Variants in TMEM116 observed in about 807,000 individuals in gnomAD.
TMEM116 encodes transmembrane protein 116.
Under a neutral mutation model 44.3 loss-of-function variants are expected in TMEM116, and 38 were observed. The observed-to-expected ratio is 0.86, with a 90% CI of 0.66 to 1.12. The LOEUF is 1.12. Among genes scored for constraint, TMEM116 ranks in the 50% most tolerant of loss-of-function variants. The pLI, the probability that TMEM116 is intolerant of heterozygous loss-of-function variation, is 0.00. For missense variants in TMEM116, 354 were observed against 401.7 expected (o/e 0.88, Z 1.01); for synonymous variants, 132 against 144.8 (o/e 0.91, Z 0.64).
At chr12:111,980,852 TTG>T (rs2075896731) in intron 4 of TMEM116, among the ~76,000 whole-genome samples, 1 of 152,102 alleles carries the variant, frequency 6.6e-6, no homozygotes, top group Non-Finnish European at 1.5e-5. Context: ...GGTGGGCAGA[TTG>T]CATGAGCTCA....
Position 112,005,500 on chromosome 12 carries a change from T to TC in TMEM116, c.-33-198dup, listed in dbSNP as rs1168734562. On this transcript the variant is annotated intron_variant, in intron 1 of 10. Coordinates refer to ENST00000552374, the MANE Select transcript of TMEM116 (RefSeq NM_001193531.2). ...GGTGCTCCTTTTTTCCTCTCTTATT[T>TC]CTATTTCACTGGGAAATAGTATGAT... 62 of 480,362 alleles carry TC rather than the reference T, an allele frequency of 1.3e-4. 1 individual carries two copies. The East Asian group carries it at 2.3e-3, about 18-fold the overall frequency. 29.8% of individuals were successfully genotyped at this position (480,362 alleles called of 1,614,324 possible). A position where few individuals can be genotyped will look rare whatever the true frequency, so the allele number is the denominator to read the frequency against.
At chr12:111,950,994 A>G (rs899087521) in intron 4 of TMEM116, among the ~76,000 whole-genome samples, 2 of 152,246 alleles carry the variant, frequency 1.3e-5, no homozygotes. Context: ...ATAAGAAAAA[A>G]GCCTCATTAA....
intron 10 of TMEM116, among the ~76,000 whole-genome samples, chr12:111,932,080 C>CA (rs398076960): frequency 2.0e-5 from 3 of 152,028 alleles, no homozygotes; most frequent in Non-Finnish European, 4.4e-5. Context: ...CAGTGCCCCC[C>CA]CTTATTGCCT....
At chr12:111,977,437 T>A (rs1364215617) in intron 4 of TMEM116, among the ~76,000 whole-genome samples, 1 of 152,158 alleles carries the variant, frequency 6.6e-6, no homozygotes, top group African/African-American at 2.4e-5. Flanking sequence ...TGCCACTGAA[T>A]TGTACACTTT....
chr12:112,007,129 A>G (rs1482541590), intron 1 of TMEM116, among the ~76,000 whole-genome samples: 2 of 152,142 alleles, frequency 1.3e-5, no homozygotes, highest in Non-Finnish European at 2.9e-5. Flanking sequence ...AACAAAATAA[A>G]ACACGGCCAG....
chr12:111,995,098 T>C (rs1050996283), intron 3 of TMEM116, among the ~76,000 whole-genome samples: 3 of 152,200 alleles, frequency 2.0e-5, no homozygotes, highest in African/African-American at 7.2e-5. Flanking sequence ...AAACCTTGCA[T>C]TGTCTTTACA....
At position 111,933,986 on chromosome 12, in the gene TMEM116, C is replaced by T. The variant is rs765370965; in HGVS notation, c.633G>A (p.Lys211=). The change falls in exon 9 of 11, where the codon AAG becomes AAA. Residue 211 remains lysine (K), a synonymous_variant. Transcript: ENST00000552374. ...GTTCACTCCCCAGAAAGCCAGTTGACTTCACAAACTTCTTATACAATGTCT... is the reference window on the plus strand; with the variant it reads ...GTTCACTCCCCAGAAAGCCAGTTGATTTCACAAACTTCTTATACAATGTCT... ...RAQTLYKKFV[K]STGFLGSEQW... 1 of 1,614,154 alleles carries T rather than the reference C, an allele frequency of 6.2e-7. No individual in the cohort carries two copies. Among genetic ancestry groups the T allele is most frequent in the Non-Finnish European group, 8.5e-7 (1 of 1,180,042 alleles).
intron 1 of TMEM116, chr12:112,011,328 C>CAT (rs2136762329): frequency 6.6e-6 from 1 of 152,488 alleles, no homozygotes; most frequent in Admixed American, 6.5e-5. Flanking sequence ...CTTCCCCAGA[C>CAT]ACATTCACAC....
chr12:112,013,160 G>A lies in TMEM116; in HGVS notation c.-192C>T, dbSNP rs542364957. On this transcript the variant is annotated 5_prime_UTR_variant, in exon 1 of 11. Transcript: ENST00000552374. ...GCTTCTCCTCAAGCGGAGCAGGAAC[G>A]GAACTGGGCGGACCCGCCGGAAGAC... 2.0e-5 allele frequency: 7 copies of A among 355,726 alleles called. No homozygotes were observed. Among genetic ancestry groups the A allele is most frequent in the Admixed American group, 1.4e-4 (3 of 21,036 alleles). The allele number at this position is 355,726 out of a possible 1,614,324, so 22.0% of individuals were successfully genotyped here.
intron 4 of TMEM116, among the ~76,000 whole-genome samples, chr12:111,949,979 G>GT (rs1435260181): frequency 4.6e-5 from 7 of 152,106 alleles, no homozygotes; most frequent in Non-Finnish European, 1.0e-4. Context: ...GCTGGGCATG[G>GT]TAGTGCACAC....
At chr12:111,976,265 G>C (rs1293339905) in intron 4 of TMEM116, among the ~76,000 whole-genome samples, 3 of 152,110 alleles carry the variant, frequency 2.0e-5, no homozygotes, top group Admixed American at 6.5e-5. Flanking sequence ...GAAACCCACA[G>C]ACAATGGGGT....
intron 1 of TMEM116, chr12:112,010,302 CAT>C (rs1261116259): frequency 1.3e-5 from 2 of 152,224 alleles, no homozygotes; most frequent in African/African-American, 2.4e-5. Flanking sequence ...TCTTGTAGCT[CAT>C]AGTGTTACGG....
chr12:112,010,429 C>G (rs1173106575), intron 1 of TMEM116: 2 of 152,228 alleles, frequency 1.3e-5, no homozygotes. Context: ...GAAGGGTGAA[C>G]AAGACAAAGA....
intron 4 of TMEM116, among the ~76,000 whole-genome samples, chr12:111,958,209 C>G (rs1362266520): frequency 1.3e-5 from 2 of 149,638 alleles, no homozygotes; most frequent in Non-Finnish European, 3.0e-5. Context: ...GACCTTCCCT[C>G]CACTATTGTC....
At chr12:111,944,925 A>C (rs1421785714) in intron 4 of TMEM116, among the ~76,000 whole-genome samples, 1 of 152,040 alleles carries the variant, frequency 6.6e-6, no homozygotes, top group Non-Finnish European at 1.5e-5. Context: ...AAGCAAGCCT[A>C]ATTAGTGGGG....
chr12:112,013,164 C>T lies in TMEM116; in HGVS notation c.-196G>A, dbSNP rs560754644. The T allele has an allele frequency of 2.3e-4, 87 of 386,142 alleles. No individual in the cohort carries two copies. Among genetic ancestry groups the T allele is most frequent in the Non-Finnish European group, 4.7e-5 (10 of 212,722 alleles). The allele number at this position is 386,142 out of a possible 1,614,324, so 23.9% of individuals were successfully genotyped here. Reference sequence around the variant, plus strand: ...CTCCTCAAGCGGAGCAGGAACGGAACTGGGCGGACCCGCCGGAAGACTCGG... The same window carrying T: ...CTCCTCAAGCGGAGCAGGAACGGAATTGGGCGGACCCGCCGGAAGACTCGG... On this transcript the variant is annotated 5_prime_UTR_variant, in exon 1 of 11. Coordinates refer to ENST00000552374, the MANE Select transcript of TMEM116 (RefSeq NM_001193531.2).
intron 8 of TMEM116, 26 bp downstream of exon 8, chr12:111,936,666 C>A: frequency 6.2e-7 from 1 of 1,606,020 alleles, no homozygotes; most frequent in Non-Finnish European, 8.5e-7. Flanking sequence ...CATCTCTCCA[C>A]AAAGGAAGGT....
chr12:112,013,137 T>C lies in TMEM116; in HGVS notation c.-169A>G. ...TAGCGTCCCCATGCGCACTTGGCGC[T>C]TCTCCTCAAGCGGAGCAGGAACGGA... On this transcript the variant is annotated 5_prime_UTR_variant, in exon 1 of 11. Coordinates refer to ENST00000552374, the MANE Select transcript of TMEM116 (RefSeq NM_001193531.2). The C allele has an allele frequency of 3.2e-6, 1 of 314,716 alleles. No individual in the cohort carries two copies. Among genetic ancestry groups the C allele is most frequent in the Non-Finnish European group, 5.9e-6 (1 of 169,678 alleles). 19.5% of individuals were successfully genotyped at this position (314,716 alleles called of 1,614,324 possible). A position where few individuals can be genotyped will look rare whatever the true frequency, so the allele number is the denominator to read the frequency against.
intron 3 of TMEM116, among the ~76,000 whole-genome samples, chr12:111,996,471 T>C (rs775339540): frequency 1.5e-4 from 23 of 151,986 alleles, no homozygotes; most frequent in Non-Finnish European, 1.0e-4. Context: ...AATGAAAAAT[T>C]AAAACCACAA....
Sources: gnomAD v4.1 joint callset for allele counts (sites outside exome capture counted in the v4.1 genomes callset) on GRCh38, gnomAD v4.1.1 for gene constraint, MANE v1.5 for transcripts, NCBI Gene and HGNC (gene_info 2026-07-23, HGNC 2026-07-21) for gene names.